Variants in DPEP2 observed in about 807,000 individuals in gnomAD.
DPEP2 encodes dipeptidase 2.
DPEP2 carries 45 observed loss-of-function variants against 51.8 expected under a neutral mutation model. The ratio of observed to expected loss-of-function variants is 0.87; its 90% CI spans 0.68 to 1.11. The LOEUF (loss-of-function observed/expected upper bound fraction) is 1.11. Among genes scored for constraint, DPEP2 ranks in the 50% most tolerant of loss-of-function variants. DPEP2 has a pLI of 0.00. For synonymous variants in DPEP2, 255 were observed against 262.7 expected (o/e 0.97, Z 0.28); for missense variants, 604 against 631.9 (o/e 0.96, Z 0.47).
In DPEP2 at chr16:67,992,621, G is replaced by A; in HGVS notation, c.279C>T (p.Pro93=). The change falls in exon 3 of 11, where the codon CCC becomes CCT. Residue 93 remains proline (P), a synonymous_variant. Coordinates refer to ENST00000393847, the MANE Select transcript of DPEP2 (RefSeq NM_022355.4). ...TCTGGTAAACCTGCCTTAGGACCAG[G>A]GGCAGGTCGTTGTGGCTGGAGGGAT... ...FPLVDGHNDL[P]LVLRQVYQKG... is the part of the protein sequence containing the mutation. The A allele has an allele frequency of 6.2e-7, 1 of 1,613,828 alleles. No individual in the cohort carries two copies. Among genetic ancestry groups the A allele is most frequent in the South Asian group, 1.1e-5 (1 of 91,060 alleles).
chr16:68,000,619 C>G (rs1042115185), upstream of DPEP2: 3 of 385,078 alleles, frequency 7.8e-6, no homozygotes, highest in African/African-American at 2.2e-5. Context: ...CCACTGTAGA[C>G]AAACATCCTC....
rs752021379 is a variant in DPEP2 at position 67,991,124 on chromosome 16, G to C, written c.723C>G (p.Asp241Glu). The C allele has an allele frequency of 8.7e-6, 14 of 1,614,198 alleles. 1 individual carries two copies. The South Asian group carries it at 1.5e-4, about 18-fold the overall frequency. The change falls in exon 6 of 11, where the codon GAC becomes GAG. Residue 241 changes from aspartate to glutamate, a missense_variant. Transcript: ENST00000393847. The surrounding 1 kb of genome is among the most constrained non-coding windows in gnomAD (Gnocchi z 5.1). ...SFYNNISGLT[D>E]FGEKVVAEMN... ...GAACCAGGGTCCTCACCTCACCAAA[G>C]TCAGTCAGCCCGCTGATGTTGTTGT... is the stretch of plus-strand genomic sequence containing the variant.
intron 1 of DPEP2, among the ~76,000 whole-genome samples, chr16:67,997,104 C>G (rs950366427): frequency 1.3e-5 from 2 of 150,568 alleles, no homozygotes; most frequent in Non-Finnish European, 1.5e-5. Flanking sequence ...GCAATCTTGG[C>G]TCACTGCAAT....
At position 67,991,767 on chromosome 16, in the gene DPEP2, G is replaced by C. The variant is rs2032184826; in HGVS notation, c.662+71C>G. On this transcript the variant is annotated intron_variant, in intron 5 of 10. Coordinates refer to ENST00000393847, the MANE Select transcript of DPEP2 (RefSeq NM_022355.4). This position sits in a 1 kb window ranked among gnomAD's most constrained non-coding sequence, Gnocchi z 5.1. ...ACATCCCATGGGTAAAGCTTGTTCT[G>C]GGCCCACAGTGACCTCAGGCAGATC... 6.3e-7 allele frequency: 1 copy of C among 1,575,554 alleles called. No individual in the cohort carries two copies. The highest frequency in any genetic ancestry group is 8.6e-7 in the Non-Finnish European group (1 of 1,158,176).
At chr16:67,995,924 A>ACT (rs1479945033) in intron 1 of DPEP2, among the ~76,000 whole-genome samples, 2 of 152,088 alleles carry the variant, frequency 1.3e-5, no homozygotes, top group Non-Finnish European at 2.9e-5. Context: ...AGATTGGGCC[A>ACT]CTGAACTTCA....
intron 9 of DPEP2, among the ~76,000 whole-genome samples, chr16:67,988,844 C>T (rs762610915): frequency 6.7e-6 from 1 of 149,544 alleles, no homozygotes; most frequent in Non-Finnish European, 1.5e-5. Flanking sequence ...CCCAGAAAGT[C>T]AAGGCTGCAG....
Position 67,990,981 on chromosome 16 carries a change from A to C in DPEP2, c.749T>G (p.Met250Arg). The part of the protein sequence containing the change: ...TDFGEKVVAE[M>R]NRLGMMVDLS... The stretch of plus-strand genomic sequence containing the variant: ...GTCTACCATCATGCCCAGGCGGTTC[A>C]TTTCTGCCACCACCTTCTGCAGGGA... Residue 250 changes from methionine (M) to arginine (R), a missense_variant, in exon 7 of 11, where the codon ATG becomes AGG. By Grantham distance (91) the Met-to-Arg change is moderately conservative. Transcript: ENST00000393847. 2 of 1,614,062 alleles carry C rather than the reference A, an allele frequency of 1.2e-6. No individual in the cohort carries two copies. Among genetic ancestry groups the C allele is most frequent in the South Asian group, 1.1e-5 (1 of 91,086 alleles).
At position 67,991,090 on chromosome 16, in the gene DPEP2, G is replaced by A. The variant is rs1283696489; in HGVS notation, c.732+25C>T. 1.5e-5 allele frequency: 24 copies of A among 1,614,086 alleles called. No individual in the cohort carries two copies. The highest frequency in any genetic ancestry group is 2.0e-5 in the Non-Finnish European group (24 of 1,180,028). ...GCTGGGGTGTGCACATTTGTTTGGG[G>A]TGGAGTGTGAACCAGGGTCCTCACC... On this transcript the variant is annotated intron_variant, in intron 6 of 10. Coordinates refer to ENST00000393847, the MANE Select transcript of DPEP2 (RefSeq NM_022355.4). The surrounding 1 kb of genome is among the most constrained non-coding windows in gnomAD (Gnocchi z 5.1).
In DPEP2 at chr16:67,990,191, T is replaced by C. The variant is rs980651675; in HGVS notation, c.910-60A>G. The stretch of plus-strand genomic sequence containing the variant: ...CCCTCAGCAAACTGCATTCCTGCCC[T>C]GCCACCCTCTGGATCCCTGGAGAGG... On this transcript the variant is annotated intron_variant, in intron 7 of 10. Coordinates refer to ENST00000393847, the MANE Select transcript of DPEP2 (RefSeq NM_022355.4). The C allele has an allele frequency of 7.9e-6, 12 of 1,524,104 alleles. No individual in the cohort carries two copies. The African/African-American group carries it at 1.6e-4, about 21-fold the overall frequency. The allele number at this position is 1,524,104 out of a possible 1,614,324, so 94.4% of individuals were successfully genotyped here. A position where few individuals can be genotyped will look rare whatever the true frequency, so the allele number is the denominator to read the frequency against.
At position 67,992,211 on chromosome 16, in the gene DPEP2, G is replaced by A. The variant is rs2032259738; in HGVS notation, c.391-18C>T. ...GACCAGAACTGGGGGGAAGGCCAGGGTTTGGCTTGGATGGGGGCTGCTTTG... is the reference window on the plus strand; with the variant it reads ...GACCAGAACTGGGGGGAAGGCCAGGATTTGGCTTGGATGGGGGCTGCTTTG... On this transcript the variant is annotated intron_variant, in intron 3 of 10. Transcript: ENST00000393847. 1 of 1,612,678 alleles carries A rather than the reference G, an allele frequency of 6.2e-7. No homozygotes were observed. The highest frequency in any genetic ancestry group is 1.3e-5 in the African/African-American group (1 of 74,896).
Position 67,992,536 on chromosome 16 carries a change from G to T in DPEP2, c.364C>A (p.Leu122Ile), listed in dbSNP as rs755283112. The part of the protein sequence containing the change: ...FSYGQTSLDR[L>I]RDGLVGAQFW... ...TGGGCGCCCACGAGGCCATCTCTAAGCCTGTCCAGGCTGGTCTGGCCGTAG... is the reference window on the plus strand; with the variant it reads ...TGGGCGCCCACGAGGCCATCTCTAATCCTGTCCAGGCTGGTCTGGCCGTAG... The change falls in exon 3 of 11, where the codon CTT becomes ATT. Residue 122 changes from leucine to isoleucine, a missense_variant. By Grantham distance (5) the Leu-to-Ile change is conservative. Coordinates refer to ENST00000393847, the MANE Select transcript of DPEP2 (RefSeq NM_022355.4). 17 of 1,613,892 alleles carry T rather than the reference G, an allele frequency of 1.1e-5. No individual in the cohort carries two copies. Among genetic ancestry groups the T allele is most frequent in the Non-Finnish European group, 1.3e-5 (15 of 1,179,910 alleles).
chr16:67,992,151 C>G lies in DPEP2; in HGVS notation c.433G>C (p.Ala145Pro), dbSNP rs1209716632. Residue 145 changes from alanine to proline, a missense_variant, in exon 4 of 11, where the codon GCC (alanine) becomes CCC (proline). Coordinates refer to ENST00000393847, the MANE Select transcript of DPEP2 (RefSeq NM_022355.4). ...ATCTGCTCCAGGGTGAGGCGCAGGG[C>G]ATCCCGGTCCTGGGTCTGGCATGGC... ...YVPCQTQDRD[A>P]LRLTLEQIDL... 1.9e-6 allele frequency: 3 copies of G among 1,614,208 alleles called. No individual in the cohort carries two copies. Among genetic ancestry groups the G allele is most frequent in the Admixed American group, 1.7e-5 (1 of 60,022 alleles).
chr16:68,000,451 G>A (rs553973679), upstream of DPEP2: 1 of 985,264 alleles, frequency 1.0e-6, no homozygotes, highest in Non-Finnish European at 1.2e-6. Context: ...GGCTTACTCA[G>A]TATCCAGCAG....
intron 1 of DPEP2, among the ~76,000 whole-genome samples, chr16:67,998,971 A>C (rs113731015): frequency 0.091 from 13,807 of 151,992 alleles, 799 homozygotes; most frequent in Admixed American, 0.12. Flanking sequence ...AAAACAGACC[A>C]CTCGGCTCTA....
At position 67,993,220 on chromosome 16, in the gene DPEP2, A is replaced by G; in HGVS notation, c.-8T>C. The G allele has an allele frequency of 1.4e-6, 2 of 1,435,288 alleles. No individual in the cohort carries two copies. The highest frequency in any genetic ancestry group is 1.8e-6 in the Non-Finnish European group (2 of 1,090,414). The allele number at this position is 1,435,288 out of a possible 1,614,324, so 88.9% of individuals were successfully genotyped here. On this transcript the variant is annotated 5_prime_UTR_variant, in exon 2 of 11. Coordinates refer to ENST00000393847, the MANE Select transcript of DPEP2 (RefSeq NM_022355.4). ...GAGGCCGGAGGGCTGCATGTTGTGC[A>G]GGGCCGGGCAGGCAGGCAGGGGTGG...
chr16:67,999,881 TGGGCGAC>T (rs2032925862), upstream of DPEP2: 1 of 152,188 alleles, frequency 6.6e-6, no homozygotes, highest in South Asian at 2.1e-4. Flanking sequence ...CTCCCTAGCC[TGGGCGAC>T]AGAGTGAGAC....
chr16:67,992,845 A>G (rs2032347030), intron 2 of DPEP2, 105 bp downstream of exon 2: 1 of 1,491,490 alleles, frequency 6.7e-7, no homozygotes, highest in Non-Finnish European at 8.9e-7. Flanking sequence ...GAGGGCATCC[A>G]GGGGTGGTGT....
Position 67,987,682 on chromosome 16 carries a change from C to G in DPEP2, c.1285G>C (p.Asp429His). The G allele has an allele frequency of 1.9e-6, 3 of 1,614,172 alleles. No individual in the cohort carries two copies. The highest frequency in any genetic ancestry group is 2.5e-6 in the Non-Finnish European group (3 of 1,180,042). ...TGTCTCTGACGCAGACGTGAGAGGT[C>G]GGAGTGGCAGGAACTGCTCAGCTGC... Reference protein sequence around the residue: ...DEQLSSSCHSDLSRLRQRQSL... With the variant: ...DEQLSSSCHSHLSRLRQRQSL... The change falls in exon 11 of 11, where the codon GAC (aspartate) becomes CAC (histidine). Residue 429 changes from aspartate (D) to histidine (H), a missense_variant. Transcript: ENST00000393847.
Position 67,990,032 on chromosome 16 carries a change from G to A in DPEP2, c.994+15C>T, listed in dbSNP as rs774514632. 33 of 1,613,708 alleles carry A rather than the reference G, an allele frequency of 2.0e-5. No individual in the cohort carries two copies. The highest frequency in any genetic ancestry group is 2.3e-5 in the Non-Finnish European group (27 of 1,179,780). Reference sequence around the variant, plus strand: ...CAAATCAGAACTGTTCAGAGAGCCCGGGAGAGGGAGTTACCTGCCACAGTG... The same window carrying A: ...CAAATCAGAACTGTTCAGAGAGCCCAGGAGAGGGAGTTACCTGCCACAGTG... On this transcript the variant is annotated intron_variant, in intron 8 of 10. Transcript: ENST00000393847.
Sources: gnomAD v4.1 joint callset for allele counts (sites outside exome capture counted in the v4.1 genomes callset) on GRCh38, gnomAD v4.1.1 for gene constraint, Gnocchi (gnomAD v3.1) non-coding constraint, MANE v1.5 for transcripts, NCBI Gene and HGNC (gene_info 2026-07-23, HGNC 2026-07-21) for gene names.